MARCHF2: variants seen among roughly 807,000 people sequenced by gnomAD.
The protein encoded by MARCHF2 is E3 ubiquitin-protein ligase MARCHF2.
A neutral mutation model predicts 24.0 loss-of-function variants in MARCHF2; 22 were observed. The observed-to-expected ratio is 0.92, with a 90% CI of 0.66 to 1.31. MARCHF2 has a LOEUF of 1.31. Ranked by LOEUF, MARCHF2 falls within the 50% of genes most tolerant of loss-of-function variation. The pLI, the probability that MARCHF2 is intolerant of heterozygous loss-of-function variation, is 0.00. For missense variants in MARCHF2, 301 were observed against 335.3 expected, an observed-to-expected ratio of 0.90 and a Z score of 0.80; for synonymous variants, 154 against 153.0, an observed-to-expected ratio of 1.01 and a Z score of -0.05.
intron 2 of MARCHF2, among the ~76,000 whole-genome samples, chr19:8,424,082 G>A (rs1011218005): frequency 6.6e-6 from 1 of 151,988 alleles, no homozygotes; most frequent in Non-Finnish European, 1.5e-5. Flanking sequence ...TGACCTCACA[G>A]TCTGCCTTCT....
At chr19:8,420,970 C>T (rs1051464591) in intron 1 of MARCHF2, among the ~76,000 whole-genome samples, 6 of 151,856 alleles carry the variant, frequency 4.0e-5, no homozygotes, top group Non-Finnish European at 8.8e-5. Context: ...GCCTAATTTT[C>T]TCATTTTTTA....
At chr19:8,422,141 A>G (rs1967265265) in intron 2 of MARCHF2, 125 bp downstream of exon 2, 1 of 1,005,808 alleles carries the variant, frequency 9.9e-7, no homozygotes, top group Admixed American at 3.1e-5. Context: ...AAATAGAGAA[A>G]GAGACACAAA....
chr19:8,435,468 G>T (rs1037691035), intron 4 of MARCHF2, among the ~76,000 whole-genome samples: 6 of 152,032 alleles, frequency 3.9e-5, no homozygotes, highest in Non-Finnish European at 8.8e-5. Flanking sequence ...GTTTACCCAA[G>T]CAGTGCATTT....
chr19:8,419,849 A>T (rs1803158782), intron 1 of MARCHF2, among the ~76,000 whole-genome samples: 1 of 143,218 alleles, frequency 7.0e-6, no homozygotes, highest in Admixed American at 7.1e-5. Flanking sequence ...AAATAAAAAT[A>T]AAAAATAAAA....
intron 1 of MARCHF2, among the ~76,000 whole-genome samples, chr19:8,420,348 T>A (rs7507351): frequency 4.2e-4 from 61 of 144,970 alleles, no homozygotes; most frequent in East Asian, 1.6e-3. Context: ...AACTCCATCT[T>A]AAAAAAAAAA....
intron 3 of MARCHF2, among the ~76,000 whole-genome samples, chr19:8,427,550 G>C (rs1178620730): frequency 6.6e-6 from 1 of 151,750 alleles, no homozygotes; most frequent in Admixed American, 6.6e-5. Flanking sequence ...CGAAGCAACT[G>C]GTTTCTGGGA....
intron 4 of MARCHF2, among the ~76,000 whole-genome samples, chr19:8,431,847 TA>T (rs1670882307): frequency 6.8e-6 from 1 of 146,258 alleles, no homozygotes. Context: ...TCAATAAAAA[TA>T]AAAACAAAAA....
At chr19:8,437,305 A>G (rs1967751641) in intron 4 of MARCHF2, among the ~76,000 whole-genome samples, 2 of 146,414 alleles carry the variant, frequency 1.4e-5, no homozygotes, top group South Asian at 4.4e-4. Context: ...ACTGAATAAG[A>G]TCTCATTATC....
intron 1 of MARCHF2, among the ~76,000 whole-genome samples, chr19:8,420,614 C>T (rs1262747419): frequency 6.6e-6 from 1 of 151,778 alleles, no homozygotes; most frequent in Non-Finnish European, 1.5e-5. Flanking sequence ...GGTCCTGGCC[C>T]TGGAGGCTTT....
rs1006279758 is a variant in MARCHF2 at position 8,426,921 on chromosome 19, C to T, written c.372+117C>T. 1.6e-5 allele frequency: 14 copies of T among 859,048 alleles called. No homozygotes were observed. In the African/African-American group the frequency reaches 2.4e-4, roughly 15 times the overall value. The allele number at this position is 859,048 out of a possible 1,614,324, so 53.2% of individuals were successfully genotyped here. A position where few individuals can be genotyped will look rare whatever the true frequency, so the allele number is the denominator to read the frequency against. Reference sequence around the variant, plus strand: ...CCTCCTAGGGCAGAACTCCCTACCGCCCCTGTCCACCAGGTGGGTCTGCTG... The same window carrying T: ...CCTCCTAGGGCAGAACTCCCTACCGTCCCTGTCCACCAGGTGGGTCTGCTG... On this transcript the variant is annotated intron_variant, in intron 3 of 4. Coordinates refer to ENST00000215555, the MANE Select transcript of MARCHF2 (RefSeq NM_001005415.2).
chr19:8,432,730 G>T (rs1967615141), intron 4 of MARCHF2, among the ~76,000 whole-genome samples: 1 of 152,050 alleles, frequency 6.6e-6, no homozygotes, highest in Non-Finnish European at 1.5e-5. Flanking sequence ...ATTTGAGGCT[G>T]CAGTGAGCTG....
rs71175854 is a variant in MARCHF2 at position 8,426,230 on chromosome 19, CA to C, written c.177-356del. 4.0e-3 allele frequency among the ~76,000 whole-genome samples: 172 copies of C among 43,282 alleles called. 1 individual carries two copies. Among genetic ancestry groups the C allele is most frequent in the African/African-American group, 9.1e-3 (127 of 13,938 alleles). 28.4% of individuals were successfully genotyped at this position (43,282 alleles called of 152,430 possible). ...TGGGTGACAGAGCGAGACTCTGTCT[CA>C]AAAAAAAAAAAAAAAAAAAAAAGAG... is the stretch of plus-strand genomic sequence containing the variant. On this transcript the variant is annotated intron_variant, in intron 2 of 4. Coordinates refer to ENST00000215555, the MANE Select transcript of MARCHF2 (RefSeq NM_001005415.2).
intron 2 of MARCHF2, among the ~76,000 whole-genome samples, chr19:8,424,402 T>C (rs962804487): frequency 1.3e-5 from 2 of 152,150 alleles, no homozygotes; most frequent in Non-Finnish European, 2.9e-5. Context: ...GCGCAGTGGC[T>C]CACGCCTGTA....
chr19:8,419,612 C>T (rs867056409), intron 1 of MARCHF2, among the ~76,000 whole-genome samples: 1 of 137,706 alleles, frequency 7.3e-6, no homozygotes, highest in East Asian at 2.3e-4. Context: ...GTCAGGAGAT[C>T]GAGACCATCC....
At chr19:8,436,751 C>A (rs539085911) in intron 4 of MARCHF2, among the ~76,000 whole-genome samples, 1 of 146,012 alleles carries the variant, frequency 6.8e-6, no homozygotes, top group African/African-American at 2.6e-5. Context: ...GGAGCGATCT[C>A]GGCTTACCGC....
chr19:8,430,574 C>T lies in MARCHF2; in HGVS notation c.373-84C>T. ...GAAAGAAGGAAAGGACAGAGGGAGG[C>T]CTAGGCCTGGAGGTCCTTACCCCTC... On this transcript the variant is annotated intron_variant, in intron 3 of 4. Coordinates refer to ENST00000215555, the MANE Select transcript of MARCHF2 (RefSeq NM_001005415.2). This position sits in a 1 kb window ranked among gnomAD's most constrained non-coding sequence, Gnocchi z 4.4. 1 of 1,059,848 alleles carries T rather than the reference C, an allele frequency of 9.4e-7. No individual in the cohort carries two copies. 65.7% of individuals were successfully genotyped at this position (1,059,848 alleles called of 1,614,324 possible). A position where few individuals can be genotyped will look rare whatever the true frequency, so the allele number is the denominator to read the frequency against.
rs913167581 is a variant in MARCHF2 at position 8,434,531 on chromosome 19, G to A, written c.582+3664G>A. ...CACCCAGCAGACATTCATTGTATGG[G>A]TGGACCATATTTATTTAACAAATCA... On this transcript the variant is annotated intron_variant, in intron 4 of 4. Coordinates refer to ENST00000215555, the MANE Select transcript of MARCHF2 (RefSeq NM_001005415.2). 7.9e-5 allele frequency among the ~76,000 whole-genome samples: 12 copies of A among 151,426 alleles called. No individual in the cohort carries two copies. In the East Asian group the frequency reaches 2.3e-3, roughly 29 times the overall value.
At chr19:8,423,985 CAA>C (rs142383974) in intron 2 of MARCHF2, among the ~76,000 whole-genome samples, 62 of 104,874 alleles carry the variant, frequency 5.9e-4, no homozygotes, top group Middle Eastern at 5.1e-3. Context: ...CTGGGTGACT[CAA>C]AAAAAAAAAA....
In MARCHF2 at chr19:8,438,462, G is replaced by A. The variant is rs746328908; in HGVS notation, c.657G>A (p.Arg219=). ...KTNQKVRLKI[R]EADSPEGPQH... is the part of the protein sequence containing the mutation. ...ACCAGAAAGTTCGCCTGAAGATCCG[G>A]GAGGCGGACAGCCCCGAGGGCCCCC... Residue 219 remains arginine (R), a synonymous_variant, in exon 5 of 5, where the codon CGG becomes CGA. Coordinates refer to ENST00000215555, the MANE Select transcript of MARCHF2 (RefSeq NM_001005415.2). The A allele has an allele frequency of 6.2e-7, 1 of 1,614,142 alleles. No individual in the cohort carries two copies.
Sources: allele counts gnomAD v4.1 joint callset (sites outside exome capture counted in the v4.1 genomes callset), GRCh38; gene constraint gnomAD v4.1.1; non-coding constraint Gnocchi (gnomAD v3.1); transcripts MANE v1.5; gene names NCBI Gene and HGNC (gene_info 2026-07-23, HGNC 2026-07-21).